ZNF664: variants seen among roughly 807,000 people sequenced by gnomAD.
ZNF664 encodes the protein zinc finger Organ of Corti 1.
ZNF664 carries 10 observed loss-of-function variants against 18.2 expected under a neutral mutation model. The ratio of observed to expected loss-of-function variants is 0.55; its 90% confidence interval spans 0.34 to 0.93. The LOEUF (loss-of-function observed/expected upper bound fraction) is 0.93. Among genes scored for constraint, ZNF664 ranks in the 40% least tolerant of loss-of-function variants. The pLI, the probability that ZNF664 is intolerant of heterozygous loss-of-function variation, is 0.02. For missense variants in ZNF664, 193 were observed against 319.0 expected (o/e 0.61, Z 3.01); for synonymous variants, 119 against 104.2 (o/e 1.14, Z -0.86).
At chr12:123,999,484 T>C (rs887927777) in intron 3 of ZNF664, among the ~76,000 whole-genome samples, 4 of 152,220 alleles carry the variant, frequency 2.6e-5, no homozygotes, top group African/African-American at 9.6e-5. Flanking sequence ...TACTTACAGG[T>C]TTCTTAAAAT....
At chr12:123,983,103 C>T (rs537358378) in intron 2 of ZNF664, among the ~76,000 whole-genome samples, 8 of 152,188 alleles carry the variant, frequency 5.3e-5, no homozygotes, top group South Asian at 2.1e-4. Context: ...GCCATGATCA[C>T]GCCACTGTAC....
intron 2 of ZNF664, 49 bp downstream of exon 2, chr12:123,974,069 C>A: frequency 8.7e-7 from 1 of 1,154,982 alleles, no homozygotes; most frequent in Non-Finnish European, 1.1e-6. Flanking sequence ...CCCGCCTCCG[C>A]AGGCGTTCTC....
In ZNF664 at chr12:124,008,263, T is replaced by C. The variant is rs541873186; in HGVS notation, c.-660-3118T>C. 2.0e-5 allele frequency among the ~76,000 whole-genome samples: 3 copies of C among 152,344 alleles called. No homozygotes were observed. The East Asian group carries it at 5.8e-4, about 29-fold the overall frequency. On this transcript the variant is annotated intron_variant, in intron 3 of 4. Transcript: ENST00000337815. ...CCCTTCAGTTCTTTCCATTAAAAATTAGCTCCAGAGGCTTGATTAGGTTTT... is the reference window on the plus strand; with the variant it reads ...CCCTTCAGTTCTTTCCATTAAAAATCAGCTCCAGAGGCTTGATTAGGTTTT...
chr12:124,005,670 G>A (rs541043879), intron 3 of ZNF664, among the ~76,000 whole-genome samples: 4 of 152,260 alleles, frequency 2.6e-5, no homozygotes, highest in African/African-American at 9.6e-5. Flanking sequence ...CCCTTCTCTT[G>A]GGAATGTTCT....
intron 3 of ZNF664, among the ~76,000 whole-genome samples, chr12:123,992,605 C>CCA (rs1956901345): frequency 6.6e-6 from 1 of 152,156 alleles, no homozygotes; most frequent in African/African-American, 2.4e-5. Flanking sequence ...GCTACTTGAG[C>CCA]CACAGGTAAG....
intron 3 of ZNF664, among the ~76,000 whole-genome samples, chr12:124,005,483 ATGTGTGTGTGTGT>A (rs887428254): frequency 3.5e-5 from 5 of 142,814 alleles, no homozygotes; most frequent in Non-Finnish European, 7.6e-5. Context: ...AATTTATAGA[ATGTGTGTGTGTGT>A]GTGTGTGTGT....
At chr12:123,975,709 C>A (rs1204532186) in intron 2 of ZNF664, among the ~76,000 whole-genome samples, 1 of 152,198 alleles carries the variant, frequency 6.6e-6, no homozygotes, top group East Asian at 1.9e-4. Context: ...AGCCACTGTG[C>A]CCAGCCCCTA....
At chr12:123,982,385 C>T (rs1956775751) in intron 2 of ZNF664, among the ~76,000 whole-genome samples, 1 of 152,200 alleles carries the variant, frequency 6.6e-6, no homozygotes, top group Non-Finnish European at 1.5e-5. Context: ...TCTTTGCCTT[C>T]ATCTCCCAGG....
In ZNF664 at chr12:124,013,205, G is replaced by A. The variant is rs1026386899; in HGVS notation, c.*275G>A. ...ATTCCAGCACGATGCCTCCATAGTTGAAAGACTACACAAAAAGCCACAATC... is the reference window on the plus strand; with the variant it reads ...ATTCCAGCACGATGCCTCCATAGTTAAAAGACTACACAAAAAGCCACAATC... On this transcript the variant is annotated 3_prime_UTR_variant, in exon 5 of 5. Coordinates refer to ENST00000337815, the MANE Select transcript of ZNF664 (RefSeq NM_152437.3). 2 of 467,494 alleles carry A rather than the reference G, an allele frequency of 4.3e-6. No homozygotes were observed. The highest frequency in any genetic ancestry group is 4.0e-5 in the African/African-American group (2 of 50,540). 29.0% of individuals were successfully genotyped at this position (467,494 alleles called of 1,614,324 possible).
chr12:123,974,193 C>T (rs1956650329), intron 2 of ZNF664, 173 bp downstream of exon 2: 1 of 428,410 alleles, frequency 2.3e-6, no homozygotes, highest in Non-Finnish European at 3.9e-6. Flanking sequence ...CACATCACCT[C>T]TCATTTCCCC....
At chr12:123,989,280 C>G (rs1391727353) in intron 3 of ZNF664, 4 of 152,388 alleles carry the variant, frequency 2.6e-5, no homozygotes, top group Admixed American at 2.0e-4. Context: ...CCTTTTCTCT[C>G]TTTTCCCATG....
In ZNF664 at chr12:124,012,061, A is replaced by G; in HGVS notation, c.-84A>G. ...GATAGACTGCCAAAATGGCCAAATA[A>G]GAGACTCTATGAAATAACAGTCTTG... On this transcript the variant is annotated 5_prime_UTR_variant, in exon 5 of 5. The change abolishes the stop of an existing upstream ORF in the 5' untranslated region. Transcript: ENST00000337815. 1 of 1,496,044 alleles carries G rather than the reference A, an allele frequency of 6.7e-7. No individual in the cohort carries two copies. Among genetic ancestry groups the G allele is most frequent in the Non-Finnish European group, 8.8e-7 (1 of 1,131,284 alleles). The allele number at this position is 1,496,044 out of a possible 1,614,324, so 92.7% of individuals were successfully genotyped here.
intron 3 of ZNF664, among the ~76,000 whole-genome samples, chr12:124,009,562 A>C (rs1272532216): frequency 6.6e-6 from 1 of 152,106 alleles, no homozygotes; most frequent in Admixed American, 6.5e-5. Flanking sequence ...ACAGTGGTGC[A>C]ATCTTGGCTC....
intron 3 of ZNF664, among the ~76,000 whole-genome samples, chr12:123,993,875 C>T (rs1401030692): frequency 2.0e-5 from 3 of 152,130 alleles, no homozygotes; most frequent in African/African-American, 7.2e-5. Flanking sequence ...AGCTGGAGGG[C>T]ACATACTTTC....
At chr12:123,996,628 G>T (rs1032191834) in intron 3 of ZNF664, among the ~76,000 whole-genome samples, 1 of 152,142 alleles carries the variant, frequency 6.6e-6, no homozygotes, top group Non-Finnish European at 1.5e-5. Flanking sequence ...CCCAAGGAGA[G>T]CAGGCAGGAA....
intron 2 of ZNF664, among the ~76,000 whole-genome samples, chr12:123,986,910 A>G (rs1956831948): frequency 6.6e-6 from 1 of 152,222 alleles, no homozygotes; most frequent in Admixed American, 6.5e-5. Flanking sequence ...AACAGCTTTC[A>G]TTCTAAGTTG....
chr12:123,985,667 CTGAG>C (rs1956815667), intron 2 of ZNF664, among the ~76,000 whole-genome samples: 2 of 152,186 alleles, frequency 1.3e-5, no homozygotes, highest in African/African-American at 4.8e-5. Flanking sequence ...TCACTTTAGA[CTGAG>C]TGCCCAGTTT....
rs1255684611 is a variant in ZNF664 at position 124,013,263 on chromosome 12, T to C, written c.*333T>C. The C allele has an allele frequency of 5.6e-5, 18 of 318,690 alleles. No individual in the cohort carries two copies. 19.7% of individuals were successfully genotyped at this position (318,690 alleles called of 1,614,324 possible). A position where few individuals can be genotyped will look rare whatever the true frequency, so the allele number is the denominator to read the frequency against. ...GGCCTCCTGAGTCACCTTCTATCTA[T>C]ACTTTGCTTAAAAGCTATCCCAGAT... On this transcript the variant is annotated 3_prime_UTR_variant, in exon 5 of 5. Transcript: ENST00000337815.
chr12:123,976,653 G>A (rs1956695700), intron 2 of ZNF664, among the ~76,000 whole-genome samples: 1 of 152,058 alleles, frequency 6.6e-6, no homozygotes, highest in African/African-American at 2.4e-5. Context: ...GGGGCGTGTT[G>A]GGGGTGGAGA....
Sources: gnomAD v4.1 joint callset for allele counts (sites outside exome capture counted in the v4.1 genomes callset) on GRCh38, gnomAD v4.1.1 for gene constraint, MANE v1.5 for transcripts, NCBI Gene and HGNC (gene_info 2026-07-23, HGNC 2026-07-21) for gene names.